The following IL7 variants were observed in gnomAD, a reference collection of about 807,000 sequenced individuals.
The protein encoded by IL7 is interleukin 7, also known as interleukin-7.
Under a neutral mutation model 21.6 loss-of-function variants are expected in IL7, and 3 were observed. The observed-to-expected ratio is 0.14, with a 90% CI of 0.06 to 0.36. The LOEUF is 0.36. Among genes scored for constraint, IL7 ranks in the 10% least tolerant of loss-of-function variants. IL7 has a pLI of 1.00. For missense variants in IL7, 175 were observed against 200.2 expected, an observed-to-expected ratio of 0.87 and a Z score of 0.76; for synonymous variants, 62 against 68.1, an observed-to-expected ratio of 0.91 and a Z score of 0.44.
intron 6 of IL7, chr8:78,718,090 T>C (rs540896150): frequency 3.2e-4 from 48 of 152,220 alleles, no homozygotes; most frequent in African/African-American, 1.0e-3. Flanking sequence ...TTAAACATCT[T>C]ACTTGTTTTG....
intron 2 of IL7, among the ~76,000 whole-genome samples, chr8:78,767,219 A>AGTGTG: frequency 6.6e-6 from 1 of 151,054 alleles, no homozygotes; most frequent in African/African-American, 2.4e-5. Flanking sequence ...AGTGTGAGTG[A>AGTGTG]GTGTGTGTGT....
At chr8:78,789,858 A>G (rs1397158823) in intron 2 of IL7, among the ~76,000 whole-genome samples, 1 of 152,208 alleles carries the variant, frequency 6.6e-6, no homozygotes, top group Non-Finnish European at 1.5e-5. Flanking sequence ...GGAAAATGCT[A>G]AAATTACCTA....
intron 2 of IL7, among the ~76,000 whole-genome samples, chr8:78,747,305 C>G (rs1812014581): frequency 6.6e-6 from 1 of 151,098 alleles, no homozygotes; most frequent in Non-Finnish European, 1.5e-5. Context: ...CCTGCCTCAG[C>G]TTCCTAAGTA....
rs1586066959 is a variant in IL7 at position 78,749,259 on chromosome 8, T to G, written c.148-9177A>C. Among the ~76,000 whole-genome samples the G allele has an allele frequency of 3.3e-5, 5 of 152,104 alleles. No individual in the cohort carries two copies. The East Asian group carries it at 9.6e-4, about 29-fold the overall frequency. On this transcript the variant is annotated intron_variant, in intron 2 of 5. Transcript: ENST00000263851. ...CCTTAACACTAAGTTATACTTAGCATTTAATTATAATACTTAATACTATAT... is the reference window on the plus strand; with the variant it reads ...CCTTAACACTAAGTTATACTTAGCAGTTAATTATAATACTTAATACTATAT...
At chr8:78,745,783 C>T (rs1811959041) in intron 2 of IL7, among the ~76,000 whole-genome samples, 1 of 152,098 alleles carries the variant, frequency 6.6e-6, no homozygotes. Flanking sequence ...AATTTGGAGG[C>T]TCAAAACAAT....
chr8:78,691,690 G>C (rs1437198982), intron 3 of IL7, among the ~76,000 whole-genome samples: 2 of 150,908 alleles, frequency 1.3e-5, no homozygotes, highest in Non-Finnish European at 3.0e-5. Flanking sequence ...TTTCTTTTTT[G>C]GCTTTCTAGC....
At chr8:78,741,232 G>T (rs924904520) in intron 2 of IL7, among the ~76,000 whole-genome samples, 1 of 152,144 alleles carries the variant, frequency 6.6e-6, no homozygotes, top group Non-Finnish European at 1.5e-5. Flanking sequence ...AGCTTTATCT[G>T]CAAGAAGTGT....
At chr8:78,701,151 G>A (rs1810589670) in intron 3 of IL7, among the ~76,000 whole-genome samples, 1 of 152,114 alleles carries the variant, frequency 6.6e-6, no homozygotes, top group Non-Finnish European at 1.5e-5. Context: ...ATTTATTTGT[G>A]TCATCTTTAA....
downstream of IL7, among the ~76,000 whole-genome samples, chr8:78,728,824 C>T (rs1177232359): frequency 2.0e-5 from 3 of 151,870 alleles, no homozygotes; most frequent in East Asian, 1.9e-4. Context: ...ATCACACACA[C>T]GAAAATGCCA....
chr8:78,719,592 AGAT>A (rs1026522793), intron 5 of IL7: 4 of 151,846 alleles, frequency 2.6e-5, no homozygotes, highest in Admixed American at 6.6e-5. Flanking sequence ...GTAGAATAAA[AGAT>A]GATTGTAAGA....
intron 4 of IL7, among the ~76,000 whole-genome samples, chr8:78,738,134 TTTA>T (rs1811654756): frequency 6.6e-6 from 1 of 152,206 alleles, no homozygotes; most frequent in Non-Finnish European, 1.5e-5. Flanking sequence ...GATTTCCTGT[TTTA>T]TTGACTAGGA....
chr8:78,698,800 A>G (rs1024700705), intron 3 of IL7, among the ~76,000 whole-genome samples: 1 of 152,192 alleles, frequency 6.6e-6, no homozygotes, highest in Admixed American at 6.5e-5. Context: ...GACGATTTTT[A>G]TACTAACTAT....
At position 78,733,478 on chromosome 8, in the gene IL7, T is replaced by C. The variant is rs1811477698; in HGVS notation, c.*235A>G. ...AAAAATCAGTACAGAATTATACTGA[T>C]TGATAAATGTTCACATATATAAGAA... On this transcript the variant is annotated 3_prime_UTR_variant, in exon 6 of 6. Transcript: ENST00000263851. 2.6e-6 allele frequency: 1 copy of C among 389,474 alleles called. No homozygotes were observed. The highest frequency in any genetic ancestry group is 5.8e-5 in the East Asian group (1 of 17,204). The allele number at this position is 389,474 out of a possible 1,614,324, so 24.1% of individuals were successfully genotyped here. A position where few individuals can be genotyped will look rare whatever the true frequency, so the allele number is the denominator to read the frequency against.
intron 3 of IL7, among the ~76,000 whole-genome samples, chr8:78,710,239 A>G (rs1810910422): frequency 6.6e-6 from 1 of 152,186 alleles, no homozygotes; most frequent in African/African-American, 2.4e-5. Context: ...TAGCCTAAAA[A>G]TAGCATTCAT....
intron 3 of IL7, chr8:78,721,491 A>G (rs985311238): frequency 1.3e-5 from 2 of 152,124 alleles, no homozygotes; most frequent in South Asian, 4.1e-4. Context: ...CAGCTATTCA[A>G]TCTTATCTCA....
chr8:78,789,808 C>T (rs1176054997), intron 2 of IL7, among the ~76,000 whole-genome samples: 1 of 151,846 alleles, frequency 6.6e-6, no homozygotes, highest in Non-Finnish European at 1.5e-5. Flanking sequence ...GAGATGAAGG[C>T]CATCAAAGAT....
chr8:78,792,117 G>A (rs192746238), intron 2 of IL7, among the ~76,000 whole-genome samples: 1 of 152,128 alleles, frequency 6.6e-6, no homozygotes, highest in East Asian at 1.9e-4. Context: ...ACCATGGAGA[G>A]GTCAGAAATA....
At chr8:78,788,678 C>G (rs1243724069) in intron 2 of IL7, among the ~76,000 whole-genome samples, 1 of 152,046 alleles carries the variant, frequency 6.6e-6, no homozygotes, top group Non-Finnish European at 1.5e-5. Context: ...CCATGTGAGT[C>G]TGAGAAAAAT....
intron 2 of IL7, chr8:78,761,615 G>C (rs1243102094): frequency 1.9e-6 from 3 of 1,611,846 alleles, no homozygotes; most frequent in Non-Finnish European, 1.7e-6. Flanking sequence ...CTCTTCCCCT[G>C]CTATGTCCAC....
Sources: gnomAD v4.1 joint callset for allele counts (sites outside exome capture counted in the v4.1 genomes callset) on GRCh38, gnomAD v4.1.1 for gene constraint, MANE v1.5 for transcripts, NCBI Gene and HGNC (gene_info 2026-07-23, HGNC 2026-07-21) for gene names.